The following PITPNC1 variants were observed in gnomAD, a reference collection of about 807,000 sequenced individuals.
PITPNC1 encodes the protein cytoplasmic phosphatidylinositol transfer protein 1.
In PITPNC1, 18 loss-of-function variants were observed where a neutral mutation model predicts 44.7. The ratio of observed to expected loss-of-function variants is 0.40; its 90% CI spans 0.28 to 0.60. The LOEUF (loss-of-function observed/expected upper bound fraction) is 0.60. Among genes scored for constraint, PITPNC1 ranks in the 20% least tolerant of loss-of-function variants. The probability of loss-of-function intolerance (pLI) is 0.39; values close to 1 mark genes in which losing one functional copy is unlikely to be tolerated. For missense variants in PITPNC1, 290 were observed against 418.4 expected (o/e 0.69, Z 2.68); for synonymous variants, 141 against 149.6 (o/e 0.94, Z 0.42).
chr17:67,444,111 T>C (rs2039058638), intron 1 of PITPNC1, among the ~76,000 whole-genome samples: 1 of 151,926 alleles, frequency 6.6e-6, no homozygotes, highest in Non-Finnish European at 1.5e-5. Context: ...ACAATGTGGG[T>C]TCATCAGGTT....
chr17:67,653,111 A>G (rs971495648), intron 6 of PITPNC1, among the ~76,000 whole-genome samples: 6 of 152,060 alleles, frequency 3.9e-5, no homozygotes, highest in African/African-American at 1.4e-4. Context: ...GTGAAACCCC[A>G]TCTCTACTAA....
intron 1 of PITPNC1, among the ~76,000 whole-genome samples, chr17:67,440,503 TTTATTTA>T (rs1567990613): frequency 7.5e-4 from 8 of 10,608 alleles, no homozygotes; most frequent in Non-Finnish European, 1.6e-3. Flanking sequence ...AGACTTTTTA[TTTATTTA>T]TTTATTTATT....
At chr17:67,603,868 T>C (rs529369014) in intron 5 of PITPNC1, among the ~76,000 whole-genome samples, 12 of 151,636 alleles carry the variant, frequency 7.9e-5, no homozygotes, top group Admixed American at 2.6e-4. Flanking sequence ...AGGCAGAGGC[T>C]GCAGTAAGCC....
intron 1 of PITPNC1, chr17:67,408,975 T>A (rs911470459): frequency 6.6e-6 from 1 of 152,050 alleles, no homozygotes; most frequent in Non-Finnish European, 1.5e-5. Flanking sequence ...TATGTTTTCT[T>A]CTAAGAGTTT....
intron 6 of PITPNC1, among the ~76,000 whole-genome samples, chr17:67,633,551 C>A (rs1200864766): frequency 1.3e-5 from 2 of 152,342 alleles, no homozygotes; most frequent in Non-Finnish European, 2.9e-5. Context: ...AAAGGGTGAG[C>A]GTTTTAACAT....
At chr17:67,485,248 C>T (rs977081184) in intron 1 of PITPNC1, among the ~76,000 whole-genome samples, 2 of 151,920 alleles carry the variant, frequency 1.3e-5, no homozygotes, top group African/African-American at 4.8e-5. Flanking sequence ...GTGGGAAAAG[C>T]ATGGAGCATG....
chr17:67,612,111 G>A (rs1258822511), intron 5 of PITPNC1: 1 of 152,206 alleles, frequency 6.6e-6, no homozygotes, highest in African/African-American at 2.4e-5. Context: ...GCCTTGGCAG[G>A]GCACGGTCTT....
intron 4 of PITPNC1, among the ~76,000 whole-genome samples, chr17:67,556,252 TG>T (rs2040837203): frequency 6.6e-6 from 1 of 152,108 alleles, no homozygotes; most frequent in Non-Finnish European, 1.5e-5. Flanking sequence ...GTCCCCAATG[TG>T]GGAGACAGGA....
chr17:67,417,669 T>A (rs968588087), intron 1 of PITPNC1, among the ~76,000 whole-genome samples: 3 of 152,192 alleles, frequency 2.0e-5, no homozygotes, highest in African/African-American at 7.2e-5. Flanking sequence ...TATTTCTCAA[T>A]CAGCTGCCTC....
chr17:67,501,789 T>C (rs1347244360), intron 1 of PITPNC1, among the ~76,000 whole-genome samples: 1 of 151,326 alleles, frequency 6.6e-6, no homozygotes, highest in Non-Finnish European at 1.5e-5. Flanking sequence ...GCCAAGACTG[T>C]GCCATTGCAC....
At chr17:67,609,644 T>C (rs1010328582) in intron 5 of PITPNC1, among the ~76,000 whole-genome samples, 1 of 151,996 alleles carries the variant, frequency 6.6e-6, no homozygotes, top group Non-Finnish European at 1.5e-5. Context: ...TGCTGAAAAG[T>C]CACCCCAAGA....
intron 1 of PITPNC1, among the ~76,000 whole-genome samples, chr17:67,411,214 G>A (rs1455765577): frequency 2.0e-5 from 3 of 152,084 alleles, no homozygotes; most frequent in African/African-American, 7.2e-5. Context: ...ATAATGATGA[G>A]ACACCTGCCC....
chr17:67,528,853 C>A (rs572963350), intron 1 of PITPNC1, among the ~76,000 whole-genome samples: 19 of 152,272 alleles, frequency 1.2e-4, no homozygotes, highest in African/African-American at 4.6e-4. Context: ...CTTCTCCCTC[C>A]CCCAAACGAG....
At chr17:67,447,844 A>C (rs1040980524) in intron 1 of PITPNC1, among the ~76,000 whole-genome samples, 1 of 146,592 alleles carries the variant, frequency 6.8e-6, no homozygotes, top group Non-Finnish European at 1.5e-5. Context: ...GATCCCAGCT[A>C]TCTCTTTCTT....
At chr17:67,407,163 G>A (rs573889512) in intron 1 of PITPNC1, among the ~76,000 whole-genome samples, 2 of 152,220 alleles carry the variant, frequency 1.3e-5, no homozygotes, top group South Asian at 2.1e-4. Flanking sequence ...TCTACATCCT[G>A]GCCAGCACTG....
chr17:67,473,146 G>T (rs2039570621), intron 1 of PITPNC1, among the ~76,000 whole-genome samples: 1 of 152,084 alleles, frequency 6.6e-6, no homozygotes, highest in Admixed American at 6.5e-5. Flanking sequence ...AAAATGCTGG[G>T]AATACAGGTG....
intron 2 of PITPNC1, among the ~76,000 whole-genome samples, chr17:67,547,538 A>C (rs968090887): frequency 6.6e-6 from 1 of 152,000 alleles, no homozygotes; most frequent in African/African-American, 2.4e-5. Context: ...GAACAAAATA[A>C]AATTTCTAGT....
At chr17:67,538,168 A>G (rs1292166172) in intron 2 of PITPNC1, among the ~76,000 whole-genome samples, 1 of 152,104 alleles carries the variant, frequency 6.6e-6, no homozygotes, top group Non-Finnish European at 1.5e-5. Context: ...GATCCAAGCC[A>G]TTATTAGTGC....
chr17:67,539,710 C>T (rs1200033542), intron 2 of PITPNC1, among the ~76,000 whole-genome samples: 1 of 152,030 alleles, frequency 6.6e-6, no homozygotes, highest in Non-Finnish European at 1.5e-5. Flanking sequence ...TGGTGGCGGG[C>T]ACCTGGAGTC....
Sources: gnomAD v4.1 joint callset for allele counts (sites outside exome capture counted in the v4.1 genomes callset) on GRCh38, gnomAD v4.1.1 for gene constraint, MANE v1.5 for transcripts, NCBI Gene and HGNC (gene_info 2026-07-23, HGNC 2026-07-21) for gene names.